Variants in PRELID2 observed in about 807,000 individuals in gnomAD.
The protein encoded by PRELID2 is PRELI domain-containing protein 2.
A neutral mutation model predicts 28.4 loss-of-function variants in PRELID2; 25 were observed. The ratio of observed to expected loss-of-function variants is 0.88; its 90% CI spans 0.64 to 1.23. The LOEUF is 1.23. Ranked by LOEUF, PRELID2 falls within the 50% of genes most tolerant of loss-of-function variation. The pLI is 0.00. For synonymous variants in PRELID2, 76 were observed against 71.6 expected, an observed-to-expected ratio of 1.06 and a Z score of -0.31; for missense variants, 201 against 214.4, an observed-to-expected ratio of 0.94 and a Z score of 0.39.
At chr5:145,768,689 C>T (rs886706859) in intron 5 of PRELID2, among the ~76,000 whole-genome samples, 2 of 152,168 alleles carry the variant, frequency 1.3e-5, no homozygotes, top group African/African-American at 2.4e-5. Flanking sequence ...CAAACTTTCC[C>T]ATCCATCTAA....
At chr5:145,651,075 C>G (rs1754288132) in intron 1 of PRELID2, among the ~76,000 whole-genome samples, 1 of 152,172 alleles carries the variant, frequency 6.6e-6, no homozygotes, top group Non-Finnish European at 1.5e-5. Flanking sequence ...TGTGCTTTTC[C>G]AATGGTATTA....
At chr5:145,416,239 T>G in the PRELID2 span, among the ~76,000 whole-genome samples, 1 of 151,822 alleles carries the variant, frequency 6.6e-6, no homozygotes, top group Non-Finnish European at 1.5e-5. Flanking sequence ...ACTGGATCCC[T>G]TCCTTACACC....
chr5:145,815,046 A>G (rs1322885544), intron 4 of PRELID2, among the ~76,000 whole-genome samples: 2 of 152,152 alleles, frequency 1.3e-5, no homozygotes, highest in East Asian at 3.8e-4. Context: ...CTACAATGGG[A>G]TGGTACTAGG....
chr5:145,245,610 G>A, the PRELID2 span, among the ~76,000 whole-genome samples: 1 of 152,094 alleles, frequency 6.6e-6, no homozygotes, highest in Non-Finnish European at 1.5e-5. Flanking sequence ...CAGGGGTCCT[G>A]ATTAGATTCT....
At chr5:145,285,616 A>C in the PRELID2 span, among the ~76,000 whole-genome samples, 1 of 152,178 alleles carries the variant, frequency 6.6e-6, no homozygotes, top group African/African-American at 2.4e-5. Flanking sequence ...GATATTGGCT[A>C]GAGCTCCAGC....
At chr5:145,779,992 G>A (rs1461618721) in intron 5 of PRELID2, among the ~76,000 whole-genome samples, 1 of 152,156 alleles carries the variant, frequency 6.6e-6, no homozygotes, top group African/African-American at 2.4e-5. Flanking sequence ...ACCAGCCTGG[G>A]CAACATGGTG....
chr5:145,419,058 C>A, the PRELID2 span, among the ~76,000 whole-genome samples: 2 of 150,840 alleles, frequency 1.3e-5, no homozygotes, highest in Non-Finnish European at 3.0e-5. Flanking sequence ...AGGACATGAA[C>A]TCATCATTAT....
the PRELID2 span, among the ~76,000 whole-genome samples, chr5:145,331,680 G>A: frequency 6.6e-6 from 1 of 151,864 alleles, no homozygotes; most frequent in African/African-American, 2.4e-5. Context: ...TGTGAGATAT[G>A]TCTCCTGAAT....
At chr5:145,310,212 A>G in the PRELID2 span, among the ~76,000 whole-genome samples, 893 of 152,290 alleles carry the variant, frequency 5.9e-3, 6 homozygotes, top group Non-Finnish European at 7.1e-3. Flanking sequence ...AATTATCTTC[A>G]TTTCTTTGGG....
chr5:145,465,480 AGCAGTAGGAAGAT>A, the PRELID2 span, among the ~76,000 whole-genome samples: 1 of 152,278 alleles, frequency 6.6e-6, no homozygotes, highest in Non-Finnish European at 1.5e-5. Context: ...GGTGAAGATG[AGCAGTAGGAAGAT>A]ACAGTAATTG....
chr5:145,365,497 T>G, the PRELID2 span, among the ~76,000 whole-genome samples: 1 of 151,962 alleles, frequency 6.6e-6, no homozygotes, highest in Non-Finnish European at 1.5e-5. Context: ...TTTGTTCATG[T>G]GTGGGTATTT....
At chr5:145,233,813 C>T in the PRELID2 span, among the ~76,000 whole-genome samples, 2 of 152,174 alleles carry the variant, frequency 1.3e-5, no homozygotes, top group Non-Finnish European at 2.9e-5. Flanking sequence ...CAGTTTCTTA[C>T]AAGCTAGCCT....
chr5:145,688,950 C>CA (rs749518373), intron 1 of PRELID2, among the ~76,000 whole-genome samples: 9 of 152,024 alleles, frequency 5.9e-5, no homozygotes, highest in Non-Finnish European at 1.3e-4. Context: ...GTTATTTTAA[C>CA]AAAAATAATT....
At chr5:145,369,473 A>T in the PRELID2 span, among the ~76,000 whole-genome samples, 1 of 152,098 alleles carries the variant, frequency 6.6e-6, no homozygotes, top group Non-Finnish European at 1.5e-5. Context: ...ATGGCCGTGA[A>T]GTATTCCATG....
the PRELID2 span, among the ~76,000 whole-genome samples, chr5:145,264,969 T>TAA: frequency 5.0e-3 from 285 of 56,760 alleles, 2 homozygotes; most frequent in African/African-American, 0.013. Flanking sequence ...AGTGCAACTC[T>TAA]AAAAAAAAAA....
At chr5:145,412,001 G>C in the PRELID2 span, among the ~76,000 whole-genome samples, 2 of 152,168 alleles carry the variant, frequency 1.3e-5, no homozygotes, top group Non-Finnish European at 1.5e-5. Flanking sequence ...ACCAAGTCCT[G>C]AGGCTGCACA....
At chr5:145,333,804 T>C in the PRELID2 span, among the ~76,000 whole-genome samples, 2 of 135,176 alleles carry the variant, frequency 1.5e-5, no homozygotes, top group African/African-American at 5.9e-5. Context: ...GTGTTCCAGG[T>C]GCCACTGGAG....
At chr5:145,450,355 G>C in the PRELID2 span, among the ~76,000 whole-genome samples, 1 of 152,114 alleles carries the variant, frequency 6.6e-6, no homozygotes, top group African/African-American at 2.4e-5. Flanking sequence ...TACAATTTTT[G>C]ATAACATCTT....
Position 145,759,788 on chromosome 5 carries a change from A to G in PRELID2, c.*748T>C, listed in dbSNP as rs1020466106. 1 of 152,244 alleles carries G rather than the reference A, an allele frequency of 6.6e-6. No homozygotes were observed. The highest frequency in any genetic ancestry group is 1.5e-5 in the Non-Finnish European group (1 of 68,044). 9.4% of individuals were successfully genotyped at this position (152,244 alleles called of 1,614,324 possible). ...TGTGCCTGATTATCCCCATTTGCCC[A>G]ATAAAAAACAGAGAGGTTAATGATT... On this transcript the variant is annotated 3_prime_UTR_variant, in exon 7 of 7. Transcript: ENST00000683046.
Sources: allele counts gnomAD v4.1 joint callset (sites outside exome capture counted in the v4.1 genomes callset), GRCh38; gene constraint gnomAD v4.1.1; transcripts MANE v1.5; gene names NCBI Gene and HGNC (gene_info 2026-07-23, HGNC 2026-07-21).